The following PDS5B variants were observed in gnomAD, a reference collection of about 807,000 sequenced individuals.
PDS5B encodes sister chromatid cohesion protein PDS5 homolog B.
A neutral mutation model predicts 184.1 loss-of-function variants in PDS5B; 51 were observed. The observed-to-expected ratio is 0.28, with a 90% CI of 0.22 to 0.35. PDS5B has a LOEUF of 0.35. Among genes scored for constraint, PDS5B ranks in the 10% least tolerant of loss-of-function variants. The pLI is 1.00. For synonymous variants in PDS5B, 566 were observed against 569.2 expected (o/e 0.99, Z 0.08); for missense variants, 1,180 against 1,723.3 (o/e 0.68, Z 5.58).
chr13:32,701,591 T>C (rs1351444499), intron 17 of PDS5B, among the ~76,000 whole-genome samples, 153 bp downstream of exon 17: 1 of 146,784 alleles, frequency 6.8e-6, no homozygotes, highest in African/African-American at 2.6e-5. Context: ...CCTGTATTTG[T>C]ATATGCACAC....
intron 1 of PDS5B, among the ~76,000 whole-genome samples, chr13:32,593,299 CAT>C (rs927470268): frequency 6.6e-6 from 1 of 152,222 alleles, no homozygotes; most frequent in Non-Finnish European, 1.5e-5. Context: ...TGAAACTCCA[CAT>C]ATAACTTTTA....
At chr13:32,648,015 C>A (rs1950271122) in intron 1 of PDS5B, among the ~76,000 whole-genome samples, 1 of 152,164 alleles carries the variant, frequency 6.6e-6, no homozygotes, top group Non-Finnish European at 1.5e-5. Flanking sequence ...ATTCTCTGGG[C>A]CACTTAGGTC....
chr13:32,652,916 G>T (rs975354653), intron 3 of PDS5B, among the ~76,000 whole-genome samples: 4 of 152,132 alleles, frequency 2.6e-5, no homozygotes, highest in African/African-American at 4.8e-5. Flanking sequence ...GGAAAATGCT[G>T]GTAGAAAGCA....
rs1419777385 is a variant in PDS5B at position 32,636,399 on chromosome 13, A to G, written c.-19-12355A>G. ...TAGCACTATATTGTAGTGTTAAGGCATTTGTTACTAAACTTGGCATGTAAA... is the reference window on the plus strand; with the variant it reads ...TAGCACTATATTGTAGTGTTAAGGCGTTTGTTACTAAACTTGGCATGTAAA... On this transcript the variant is annotated intron_variant, in intron 1 of 34. Coordinates refer to ENST00000315596, the MANE Select transcript of PDS5B (RefSeq NM_015032.4). Among the ~76,000 whole-genome samples, 7 of 152,236 alleles carry G rather than the reference A, an allele frequency of 4.6e-5. No homozygotes were observed. In the East Asian group the frequency reaches 5.8e-4, roughly 13 times the overall value.
intron 3 of PDS5B, among the ~76,000 whole-genome samples, chr13:32,655,370 A>ATT (rs1228061305): frequency 2.6e-4 from 7 of 26,944 alleles, no homozygotes; most frequent in Admixed American, 1.7e-3. Flanking sequence ...ATATATATAT[A>ATT]TATATTTTTT....
rs150931159 is a variant in PDS5B, at chr13:32,740,868, A to G, written c.2407-212A>G. 1.0e-3 allele frequency among the ~76,000 whole-genome samples: 155 copies of G among 152,170 alleles called. 3 individuals carry two copies. In the East Asian group the frequency reaches 0.023, roughly 23 times the overall value. On this transcript the variant is annotated intron_variant, in intron 21 of 34. Transcript: ENST00000315596. ...AGAAAGAACCAGTCGTGATGGATCT[A>G]TAAGTGCTGTACATAGGCGCTAGTG...
Position 32,741,119 on chromosome 13 carries a change from G to C in PDS5B, c.2446G>C (p.Glu816Gln). The change falls in exon 22 of 35, where the codon GAA (glutamate) becomes CAA (glutamine). Residue 816 changes from glutamate (E) to glutamine (Q), a missense_variant. Glu to Gln is a conservative substitution (Grantham distance 29). Around this residue, in one of 11 missense-constraint regions of PDS5B, gnomAD observed 475 missense variants for 691.5 expected, o/e 0.69. Transcript: ENST00000315596. ...GACAACTAAACTTTGGGTTCCAGAT[G>C]AAGAAGTATCTCCTGAGACAATGGT... ...KKTTKLWVPD[E>Q]EVSPETMVKI... 2 of 1,564,940 alleles carry C rather than the reference G, an allele frequency of 1.3e-6. No individual in the cohort carries two copies. The highest frequency in any genetic ancestry group is 1.8e-6 in the Non-Finnish European group (2 of 1,141,560).
intron 1 of PDS5B, among the ~76,000 whole-genome samples, chr13:32,629,668 G>A (rs533537956): frequency 2.5e-4 from 38 of 152,182 alleles, no homozygotes. Flanking sequence ...TGATTTATTG[G>A]TTTTGTACCT....
At chr13:32,764,403 A>T in intron 30 of PDS5B, 86 bp from the exon 31 acceptor site, 1 of 742,828 alleles carries the variant, frequency 1.3e-6, no homozygotes. Context: ...AATTTTTTCC[A>T]TAAATCTGTA....
chr13:32,704,746 A>G (rs1024931950), intron 17 of PDS5B, among the ~76,000 whole-genome samples: 2 of 152,208 alleles, frequency 1.3e-5, no homozygotes, highest in Non-Finnish European at 2.9e-5. Context: ...GTTCCTAAGC[A>G]CTAATTAATT....
At chr13:32,766,227 C>CTACACT (rs950094021) in intron 31 of PDS5B, among the ~76,000 whole-genome samples, 4 of 152,200 alleles carry the variant, frequency 2.6e-5, no homozygotes, top group African/African-American at 9.6e-5. Flanking sequence ...CTATAGTGTA[C>CTACACT]TACACTTATA....
chr13:32,720,208 C>T lies in PDS5B; in HGVS notation c.2123+10102C>T, dbSNP rs78483434. On this transcript the variant is annotated intron_variant, in intron 19 of 34. Coordinates refer to ENST00000315596, the MANE Select transcript of PDS5B (RefSeq NM_015032.4). ...ATAAGCAGGAAGTCCTGTCAGCCTT[C>T]CAAATCATGAAAAGATGCTTATGTA... Among the ~76,000 whole-genome samples the T allele has an allele frequency of 4.0e-3, 614 of 151,946 alleles. 28 individuals are homozygous for T. In the East Asian group the frequency reaches 0.097, roughly 24 times the overall value.
At position 32,632,810 on chromosome 13, in the gene PDS5B, A is replaced by G. The variant is rs531119629; in HGVS notation, c.-19-15944A>G. 5.9e-5 allele frequency among the ~76,000 whole-genome samples: 9 copies of G among 152,306 alleles called. No individual in the cohort carries two copies. In the South Asian group the frequency reaches 1.9e-3, roughly 32 times the overall value. ...CATATAATATTCAGTCATACAAATAATTGAAGCTCTGGGCCAGGCGTGGTG... is the reference window on the plus strand; with the variant it reads ...CATATAATATTCAGTCATACAAATAGTTGAAGCTCTGGGCCAGGCGTGGTG... On this transcript the variant is annotated intron_variant, in intron 1 of 34. Coordinates refer to ENST00000315596, the MANE Select transcript of PDS5B (RefSeq NM_015032.4).
intron 19 of PDS5B, among the ~76,000 whole-genome samples, chr13:32,717,050 TCGTCC>T (rs1952471019): frequency 8.6e-5 from 2 of 23,380 alleles, no homozygotes; most frequent in Admixed American, 7.2e-4. Flanking sequence ...GCCAGCCGCC[TCGTCC>T]GGGAGGGAGG....
At chr13:32,621,763 C>T (rs1369763104) in intron 1 of PDS5B, among the ~76,000 whole-genome samples, 1 of 152,130 alleles carries the variant, frequency 6.6e-6, no homozygotes, top group Non-Finnish European at 1.5e-5. Context: ...GGCTGCCTGC[C>T]TCTTTTTCTA....
intron 17 of PDS5B, among the ~76,000 whole-genome samples, 183 bp downstream of exon 17, chr13:32,701,621 C>CATAT (rs4057294): frequency 1.3e-5 from 2 of 150,396 alleles, no homozygotes. Context: ...CAGACACACA[C>CATAT]ATATATATAT....
At chr13:32,714,438 C>G (rs948917652) in intron 19 of PDS5B, among the ~76,000 whole-genome samples, 1 of 152,118 alleles carries the variant, frequency 6.6e-6, no homozygotes, top group Non-Finnish European at 1.5e-5. Context: ...TGAGATCAAC[C>G]GGTCTGACCA....
At chr13:32,760,100 T>C (rs921392519) in intron 29 of PDS5B, among the ~76,000 whole-genome samples, 5 of 151,930 alleles carry the variant, frequency 3.3e-5, no homozygotes, top group Non-Finnish European at 4.4e-5. Flanking sequence ...GGACTACAGG[T>C]GCCTGCCACC....
intron 24 of PDS5B, among the ~76,000 whole-genome samples, chr13:32,752,659 A>G (rs1954027441): frequency 6.6e-6 from 1 of 152,192 alleles, no homozygotes; most frequent in Admixed American, 6.5e-5. Context: ...AGCTATCTTT[A>G]AGGATAAGTA....
Sources: allele counts gnomAD v4.1 joint callset (sites outside exome capture counted in the v4.1 genomes callset), GRCh38; gene constraint gnomAD v4.1.1; regional missense constraint gnomAD v4.1.1; transcripts MANE v1.5; gene names NCBI Gene and HGNC (gene_info 2026-07-23, HGNC 2026-07-21).